IL7: variants seen among roughly 807,000 people sequenced by gnomAD.
IL7 encodes the protein interleukin 7.
A neutral mutation model predicts 21.6 loss-of-function variants in IL7; 3 were observed. The observed-to-expected ratio is 0.14, with a 90% CI of 0.06 to 0.36. The LOEUF is 0.36. IL7 is among the 10% of genes least tolerant of loss of function. IL7 has a pLI of 1.00. For synonymous variants in IL7, 62 were observed against 68.1 expected (o/e 0.91, Z 0.44); for missense variants, 175 against 200.2 (o/e 0.87, Z 0.76).
At chr8:78,790,012 G>A (rs1813632599) in intron 2 of IL7, among the ~76,000 whole-genome samples, 1 of 152,116 alleles carries the variant, frequency 6.6e-6, no homozygotes, top group South Asian at 2.1e-4. Context: ...GAGAAATGTA[G>A]ACCTCAGGCT....
At chr8:78,793,468 C>T (rs972196674) in intron 2 of IL7, among the ~76,000 whole-genome samples, 1 of 152,012 alleles carries the variant, frequency 6.6e-6, no homozygotes, top group African/African-American at 2.4e-5. Context: ...ATACTGTAGT[C>T]TATTATGTGT....
At chr8:78,771,665 T>A (rs544667885) in intron 2 of IL7, among the ~76,000 whole-genome samples, 1 of 152,290 alleles carries the variant, frequency 6.6e-6, no homozygotes, top group African/African-American at 2.4e-5. Flanking sequence ...AACTCTTTAA[T>A]GTTTAAGTCC....
At chr8:78,785,144 T>C (rs1813467037) in intron 2 of IL7, among the ~76,000 whole-genome samples, 1 of 152,144 alleles carries the variant, frequency 6.6e-6, no homozygotes, top group African/African-American at 2.4e-5. Flanking sequence ...TTCAGTCACT[T>C]TTCCAAGATA....
chr8:78,777,109 AT>A (rs1813159741), intron 2 of IL7, among the ~76,000 whole-genome samples: 1 of 152,142 alleles, frequency 6.6e-6, no homozygotes, highest in African/African-American at 2.4e-5. Context: ...CAATGTCTTC[AT>A]CGGTTGTCTA....
Position 78,735,467 on chromosome 8 carries a change from G to A in IL7, c.414+1007C>T, listed in dbSNP as rs370814488. 1.3e-4 allele frequency among the ~76,000 whole-genome samples: 20 copies of A among 151,420 alleles called. No homozygotes were observed. The East Asian group carries it at 1.6e-3, about 12-fold the overall frequency. Reference sequence around the variant, plus strand: ...AGCTGGGACTACAGGCGTGCACCACGCCCAGCTAATTTTTGTATTTTTAGT... The same window carrying A: ...AGCTGGGACTACAGGCGTGCACCACACCCAGCTAATTTTTGTATTTTTAGT... On this transcript the variant is annotated intron_variant, in intron 5 of 5. Coordinates refer to ENST00000263851, the MANE Select transcript of IL7 (RefSeq NM_000880.4).
At chr8:78,691,984 T>C (rs770428235) in intron 3 of IL7, among the ~76,000 whole-genome samples, 6 of 152,192 alleles carry the variant, frequency 3.9e-5, no homozygotes, top group Non-Finnish European at 8.8e-5. Context: ...GTGCAATGAC[T>C]AAATCAAGCT....
intron 2 of IL7, among the ~76,000 whole-genome samples, chr8:78,792,103 G>A (rs951253302): frequency 6.6e-6 from 1 of 152,062 alleles, no homozygotes; most frequent in Admixed American, 6.6e-5. Flanking sequence ...TATATCAATG[G>A]ATTACCATGG....
At chr8:78,761,542 G>A (rs932857313) in intron 2 of IL7, 1 of 1,611,798 alleles carries the variant, frequency 6.2e-7, no homozygotes, top group African/African-American at 1.3e-5. Context: ...AAGGCAGGAA[G>A]CCTATAAATT....
chr8:78,804,300 A>C (rs1586124867), intron 1 of IL7, among the ~76,000 whole-genome samples: 1 of 152,102 alleles, frequency 6.6e-6, no homozygotes, highest in Non-Finnish European at 1.5e-5. Flanking sequence ...AAACAAAAAA[A>C]CCCAGAAGCT....
downstream of IL7, chr8:78,717,646 G>A: frequency 1.3e-6 from 1 of 774,602 alleles, no homozygotes. Flanking sequence ...GCTATATAAT[G>A]TGTGTATGTT....
chr8:78,696,744 C>T (rs1024509327), intron 3 of IL7, among the ~76,000 whole-genome samples: 5 of 152,112 alleles, frequency 3.3e-5, no homozygotes, highest in African/African-American at 1.2e-4. Context: ...CAGGGAAATC[C>T]ATAATGCAGC....
At chr8:78,676,838 C>T (rs1809597252) in intron 4 of IL7, among the ~76,000 whole-genome samples, 1 of 151,724 alleles carries the variant, frequency 6.6e-6, no homozygotes, top group Admixed American at 6.6e-5. Context: ...CCTTTTTTGG[C>T]TCTCATTTAT....
intron 3 of IL7, among the ~76,000 whole-genome samples, chr8:78,701,939 T>G (rs984320412): frequency 6.6e-6 from 1 of 152,154 alleles, no homozygotes; most frequent in African/African-American, 2.4e-5. Context: ...AGTTTCCTTT[T>G]TTGTTGTGTC....
downstream of IL7, among the ~76,000 whole-genome samples, chr8:78,728,450 G>A (rs1015043862): frequency 6.6e-6 from 1 of 152,014 alleles, no homozygotes; most frequent in East Asian, 1.9e-4. Context: ...GCAGAGCAGA[G>A]CATCCATAAA....
intron 3 of IL7, among the ~76,000 whole-genome samples, chr8:78,694,584 C>A (rs1380171624): frequency 1.3e-5 from 2 of 152,126 alleles, no homozygotes; most frequent in Non-Finnish European, 2.9e-5. Flanking sequence ...CTGGAAATTT[C>A]TTTTCCTCTC....
chr8:78,696,172 C>T (rs1473705963), intron 3 of IL7, among the ~76,000 whole-genome samples: 2 of 151,854 alleles, frequency 1.3e-5, no homozygotes, highest in African/African-American at 2.4e-5. Flanking sequence ...GTAGCTGGGA[C>T]TACAGGCGCC....
chr8:78,791,399 A>G (rs1451076713), intron 2 of IL7, among the ~76,000 whole-genome samples: 1 of 152,152 alleles, frequency 6.6e-6, no homozygotes, highest in Non-Finnish European at 1.5e-5. Flanking sequence ...CAGCACTTCG[A>G]GAGGCTGAAG....
chr8:78,773,415 T>C (rs1435668446), intron 2 of IL7, among the ~76,000 whole-genome samples: 1 of 152,150 alleles, frequency 6.6e-6, no homozygotes, highest in Non-Finnish European at 1.5e-5. Flanking sequence ...ATTCAATTCC[T>C]GCTGTCTTTA....
chr8:78,695,032 G>A (rs775058176), intron 3 of IL7, among the ~76,000 whole-genome samples: 5 of 152,084 alleles, frequency 3.3e-5, no homozygotes, highest in Non-Finnish European at 2.9e-5. Context: ...TTGTAGAATA[G>A]ATAGAATATA....
Sources: allele counts gnomAD v4.1 joint callset (sites outside exome capture counted in the v4.1 genomes callset), GRCh38; gene constraint gnomAD v4.1.1; transcripts MANE v1.5; gene names NCBI Gene and HGNC (gene_info 2026-07-23, HGNC 2026-07-21).